The following LUZP2 variants were observed in gnomAD, a reference collection of about 807,000 sequenced individuals.
LUZP2 encodes leucine zipper protein 2.
LUZP2 carries 52 observed loss-of-function variants against 51.6 expected under a neutral mutation model. That is an observed-to-expected ratio of 1.01 (90% confidence interval 0.81 to 1.27). The LOEUF (loss-of-function observed/expected upper bound fraction) is 1.27. Ranked by LOEUF, LUZP2 falls within the 50% of genes most tolerant of loss-of-function variation. LUZP2 has a pLI of 0.00. For missense variants in LUZP2, 436 were observed against 395.4 expected, an observed-to-expected ratio of 1.10 and a Z score of -0.87; for synonymous variants, 154 against 137.3, an observed-to-expected ratio of 1.12 and a Z score of -0.85.
intron 7 of LUZP2, among the ~76,000 whole-genome samples, chr11:24,928,657 C>T (rs1275284484): frequency 1.3e-5 from 2 of 151,946 alleles, no homozygotes; most frequent in Admixed American, 6.6e-5. Flanking sequence ...ATTTTTGCAT[C>T]TGTGTTCATC....
At chr11:24,702,734 A>G (rs763341987) in intron 1 of LUZP2, among the ~76,000 whole-genome samples, 5 of 152,178 alleles carry the variant, frequency 3.3e-5, no homozygotes, top group African/African-American at 4.8e-5. Context: ...GGAAGGGACA[A>G]CCATTCAAAT....
At chr11:24,923,470 G>T (rs1372307211) in intron 7 of LUZP2, among the ~76,000 whole-genome samples, 1 of 151,936 alleles carries the variant, frequency 6.6e-6, no homozygotes, top group Non-Finnish European at 1.5e-5. Flanking sequence ...GCCGAGGTGG[G>T]GGTATCACCT....
At chr11:24,674,099 A>C (rs1053783026) in intron 1 of LUZP2, among the ~76,000 whole-genome samples, 1 of 152,166 alleles carries the variant, frequency 6.6e-6, no homozygotes, top group Non-Finnish European at 1.5e-5. Flanking sequence ...TTAACTTACT[A>C]TGTATTGGTT....
At chr11:24,906,597 C>G (rs749315099) in intron 6 of LUZP2, among the ~76,000 whole-genome samples, 2 of 152,128 alleles carry the variant, frequency 1.3e-5, no homozygotes, top group Admixed American at 6.6e-5. Flanking sequence ...TATTTCTCAT[C>G]TCCAAGTCTA....
intron 7 of LUZP2, among the ~76,000 whole-genome samples, chr11:24,956,099 T>A (rs1855201835): frequency 6.6e-6 from 1 of 151,988 alleles, no homozygotes; most frequent in Non-Finnish European, 1.5e-5. Flanking sequence ...TATGACTGAA[T>A]GGACATGAGC....
At chr11:25,072,911 G>T (rs1234414264) in intron 10 of LUZP2, among the ~76,000 whole-genome samples, 4 of 151,998 alleles carry the variant, frequency 2.6e-5, no homozygotes, top group Non-Finnish European at 5.9e-5. Context: ...TAGACAATTT[G>T]TTGCAGAATC....
chr11:24,901,821 C>A (rs1478363909), intron 5 of LUZP2, among the ~76,000 whole-genome samples: 1 of 152,160 alleles, frequency 6.6e-6, no homozygotes, highest in Non-Finnish European at 1.5e-5. Context: ...AAATCCCCAG[C>A]TGTCTTTGCT....
At chr11:24,575,749 T>C (rs1852623579) in intron 1 of LUZP2, among the ~76,000 whole-genome samples, 1 of 152,182 alleles carries the variant, frequency 6.6e-6, no homozygotes, top group Non-Finnish European at 1.5e-5. Flanking sequence ...AGATCAGGTT[T>C]CTTTTAACCA....
At chr11:24,601,904 GTATATATGTATATATGTA>G (rs1368049073) in intron 1 of LUZP2, among the ~76,000 whole-genome samples, 845 of 76,682 alleles carry the variant, frequency 0.011, 16 homozygotes, top group Admixed American at 0.067. Context: ...ATGTATATAT[GTATATATGTATATATGTA>G]TATATATGTA....
rs924665413 is a variant in LUZP2 at position 24,878,883 on chromosome 11, T to C, written c.397-27108T>C. 5.3e-4 allele frequency among the ~76,000 whole-genome samples: 80 copies of C among 152,186 alleles called. 1 individual carries two copies. Among genetic ancestry groups the C allele is most frequent in the Admixed American group, 5.2e-3 (80 of 15,268 alleles). ...AGAATGTGTGGTGTTTGGTTTTCTG[T>C]TCCTGTGGTAGTCGCTGAGGATGAT... On this transcript the variant is annotated intron_variant, in intron 5 of 11. Transcript: ENST00000336930.
At chr11:24,976,890 T>C (rs1010954094) in intron 8 of LUZP2, among the ~76,000 whole-genome samples, 15 of 151,798 alleles carry the variant, frequency 9.9e-5, no homozygotes, top group Non-Finnish European at 7.4e-5. Flanking sequence ...GTTCAGTCTT[T>C]GTGAGTTCAT....
chr11:25,001,823 T>C (rs1474409932), intron 9 of LUZP2, among the ~76,000 whole-genome samples: 1 of 152,140 alleles, frequency 6.6e-6, no homozygotes, highest in African/African-American at 2.4e-5. Context: ...CTCTTTGACT[T>C]CCTATCTTTC....
At chr11:24,976,114 T>C (rs11028313) in intron 7 of LUZP2, among the ~76,000 whole-genome samples, 137,983 of 151,856 alleles carry the variant, frequency 0.91, 64,169 homozygotes, top group Non-Finnish European at 1. Flanking sequence ...CCTCTCCTTA[T>C]GTGAACATGT....
intron 6 of LUZP2, among the ~76,000 whole-genome samples, chr11:24,913,972 A>G (rs1364849980): frequency 6.6e-6 from 1 of 152,116 alleles, no homozygotes; most frequent in Admixed American, 6.6e-5. Flanking sequence ...TAAAAAATGT[A>G]TTGCTCTAAA....
intron 1 of LUZP2, among the ~76,000 whole-genome samples, chr11:24,592,690 A>AG (rs1322609099): frequency 4.4e-5 from 1 of 22,518 alleles, no homozygotes. Context: ...GTTGGAGAAA[A>AG]GAAAAAAAAA....
At chr11:24,615,529 G>T (rs1379000457) in intron 1 of LUZP2, among the ~76,000 whole-genome samples, 1 of 151,954 alleles carries the variant, frequency 6.6e-6, no homozygotes, top group Non-Finnish European at 1.5e-5. Context: ...GTACCAGTTT[G>T]TTTAACCATT....
chr11:24,865,021 T>C (rs902310549), intron 5 of LUZP2, among the ~76,000 whole-genome samples: 2 of 152,234 alleles, frequency 1.3e-5, no homozygotes, highest in Non-Finnish European at 2.9e-5. Context: ...CTTCCTCTTA[T>C]TCTACGTTTA....
chr11:24,912,653 C>T (rs997441666), intron 6 of LUZP2, among the ~76,000 whole-genome samples: 5 of 151,828 alleles, frequency 3.3e-5, no homozygotes, highest in African/African-American at 1.2e-4. Context: ...TACTAAAATA[C>T]AAAAAAATTA....
rs542895475 is a variant in LUZP2 at position 25,046,806 on chromosome 11, A to G, written c.766-3232A>G. 3.3e-5 allele frequency among the ~76,000 whole-genome samples: 5 copies of G among 152,302 alleles called. No homozygotes were observed. The East Asian group carries it at 9.6e-4, about 29-fold the overall frequency. ...AAATCTTATAATTTTTTAGACCTGT[A>G]AAGTATAGATACAAACCATATATAG... On this transcript the variant is annotated intron_variant, in intron 9 of 11. Transcript: ENST00000336930.
Sources: allele counts gnomAD v4.1 joint callset (sites outside exome capture counted in the v4.1 genomes callset), GRCh38; gene constraint gnomAD v4.1.1; transcripts MANE v1.5; gene names NCBI Gene and HGNC (gene_info 2026-07-23, HGNC 2026-07-21).